CSGALNACT1: variants seen among roughly 807,000 people sequenced by gnomAD.
The protein encoded by CSGALNACT1 is beta4GalNAcT-1.
CSGALNACT1 carries 52 observed loss-of-function variants against 51.0 expected under a neutral mutation model. That is an observed-to-expected ratio of 1.02 (90% confidence interval 0.82 to 1.29). The LOEUF is 1.29. Ranked by LOEUF, CSGALNACT1 falls within the 50% of genes most tolerant of loss-of-function variation. The pLI is 0.00. For synonymous variants in CSGALNACT1, 341 were observed against 254.4 expected (o/e 1.34, Z -3.24); for missense variants, 935 against 679.2 (o/e 1.38, Z -4.19).
intron 1 of CSGALNACT1, among the ~76,000 whole-genome samples, chr8:19,714,156 C>T (rs182786000): frequency 2.8e-4 from 43 of 152,316 alleles, no homozygotes; most frequent in African/African-American, 1.0e-3. Context: ...TTCCCCACTC[C>T]TGTTGATCTC....
At chr8:19,461,327 TGTC>T (rs2065303350) in intron 4 of CSGALNACT1, among the ~76,000 whole-genome samples, 1 of 152,226 alleles carries the variant, frequency 6.6e-6, no homozygotes, top group African/African-American at 2.4e-5. Flanking sequence ...TCTCTGATGC[TGTC>T]TGGGATCACA....
At chr8:19,670,650 CAAAAAAA>C (rs752256046) in intron 1 of CSGALNACT1, among the ~76,000 whole-genome samples, 156 of 92,842 alleles carry the variant, frequency 1.7e-3, no homozygotes, top group Admixed American at 6.8e-3. Context: ...CTACTGAAGA[CAAAAAAA>C]AAAAAAAAAA....
intron 3 of CSGALNACT1, among the ~76,000 whole-genome samples, chr8:19,543,089 G>C (rs775005628): frequency 1.3e-4 from 20 of 152,204 alleles, no homozygotes; most frequent in South Asian, 1.0e-3. Flanking sequence ...GATTATGACT[G>C]AGTTATAACT....
intron 7 of CSGALNACT1, among the ~76,000 whole-genome samples, chr8:19,418,957 C>T (rs561383032): frequency 6.6e-6 from 1 of 152,230 alleles, no homozygotes; most frequent in African/African-American, 2.4e-5. Flanking sequence ...AGTGATTCTA[C>T]TGCCTCAGCC....
intron 1 of CSGALNACT1, among the ~76,000 whole-genome samples, chr8:19,673,685 T>G (rs1321403842): frequency 2.6e-5 from 4 of 152,214 alleles, no homozygotes; most frequent in African/African-American, 9.7e-5. Context: ...CGTGCTAATG[T>G]TCCATACCCC....
chr8:19,466,067 A>C (rs78747899), intron 4 of CSGALNACT1, among the ~76,000 whole-genome samples: 3,221 of 152,340 alleles, frequency 0.021, 54 homozygotes, highest in Non-Finnish European at 0.033. Context: ...ACAGTTGTTT[A>C]AGTAAAAGCT....
At chr8:19,550,477 A>G (rs2087723043) in intron 3 of CSGALNACT1, among the ~76,000 whole-genome samples, 1 of 152,128 alleles carries the variant, frequency 6.6e-6, no homozygotes, top group African/African-American at 2.4e-5. Context: ...TGGATGCAAT[A>G]TCTTCTCTAA....
intron 1 of CSGALNACT1, among the ~76,000 whole-genome samples, chr8:19,672,205 T>C (rs2059847499): frequency 6.6e-6 from 1 of 152,228 alleles, no homozygotes; most frequent in South Asian, 2.1e-4. Context: ...GCTCATGGAA[T>C]TTCTTCGGCT....
intron 6 of CSGALNACT1, among the ~76,000 whole-genome samples, chr8:19,425,063 C>T (rs1030375964): frequency 1.3e-5 from 2 of 152,206 alleles, no homozygotes; most frequent in Non-Finnish European, 2.9e-5. Flanking sequence ...GTTCTCCTGA[C>T]CAGGTGCAGT....
At chr8:19,702,518 C>A (rs3933008) in intron 1 of CSGALNACT1, among the ~76,000 whole-genome samples, 72,020 of 143,374 alleles carry the variant, frequency 0.5, 17,237 homozygotes, top group Middle Eastern at 0.62. Context: ...TAAAAAAAAA[C>A]TTAATTAATT....
rs189046252 is a variant in CSGALNACT1 at position 19,667,565 on chromosome 8, C to G, written c.-544+14908G>C. Among the ~76,000 whole-genome samples, 8 of 152,230 alleles carry G rather than the reference C, an allele frequency of 5.3e-5. No individual in the cohort carries two copies. The South Asian group carries it at 6.2e-4, about 12-fold the overall frequency. On this transcript the variant is annotated intron_variant, in intron 1 of 9. Transcript: ENST00000332246. ...TGAGAGAGTCAGTCGTGTTCCACCC[C>G]CTTTGAACCAAGGCTGATGAATTAT...
chr8:19,477,503 CTTTAA>C (rs1295213700), intron 4 of CSGALNACT1, among the ~76,000 whole-genome samples: 3 of 152,282 alleles, frequency 2.0e-5, no homozygotes, highest in Non-Finnish European at 2.9e-5. Flanking sequence ...TGATAGTTAT[CTTTAA>C]TTTAACTTCT....
chr8:19,745,620 A>G (rs1412207413), intron 1 of CSGALNACT1, among the ~76,000 whole-genome samples: 1 of 152,196 alleles, frequency 6.6e-6, no homozygotes, highest in African/African-American at 2.4e-5. Context: ...GCTTTTTGCC[A>G]CCATTTCCAT....
intron 1 of CSGALNACT1, among the ~76,000 whole-genome samples, chr8:19,661,529 C>T (rs965249167): frequency 6.6e-6 from 1 of 152,222 alleles, no homozygotes; most frequent in Non-Finnish European, 1.5e-5. Context: ...TGCTCCAGGA[C>T]CTTTCAAATG....
intron 3 of CSGALNACT1, among the ~76,000 whole-genome samples, chr8:19,526,317 G>C (rs1256827490): frequency 6.6e-6 from 1 of 152,206 alleles, no homozygotes; most frequent in African/African-American, 2.4e-5. Context: ...AGGCACAGTG[G>C]CTTACGCCTA....
intron 1 of CSGALNACT1, among the ~76,000 whole-genome samples, chr8:19,668,043 A>G (rs1044495178): frequency 2.6e-5 from 4 of 152,242 alleles, no homozygotes; most frequent in African/African-American, 9.6e-5. Context: ...TAAAAACTTG[A>G]CCAGCATATA....
intron 6 of CSGALNACT1, 68 bp from the exon 6 acceptor site, chr8:19,420,586 G>T (rs2057765687): frequency 1.3e-6 from 2 of 1,485,380 alleles, no homozygotes; most frequent in Non-Finnish European, 1.9e-6. Context: ...GAGAAAATAT[G>T]TAATCAGGGC....
At chr8:19,673,257 T>A (rs2059927830) in intron 1 of CSGALNACT1, among the ~76,000 whole-genome samples, 1 of 152,104 alleles carries the variant, frequency 6.6e-6, no homozygotes, top group Admixed American at 6.6e-5. Context: ...CAGGTTTGAG[T>A]ATTGGTGCTA....
At chr8:19,469,233 A>G (rs2067490255) in intron 4 of CSGALNACT1, among the ~76,000 whole-genome samples, 1 of 152,128 alleles carries the variant, frequency 6.6e-6, no homozygotes, top group Non-Finnish European at 1.5e-5. Context: ...CTAGAAAAAA[A>G]TGTAAAAATT....
Sources: allele counts gnomAD v4.1 joint callset (sites outside exome capture counted in the v4.1 genomes callset), GRCh38; gene constraint gnomAD v4.1.1; transcripts MANE v1.5; gene names NCBI Gene and HGNC (gene_info 2026-07-23, HGNC 2026-07-21).